Variants in ARHGEF28 observed in about 807,000 individuals in gnomAD.
ARHGEF28 encodes the protein 190 kDa guanine nucleotide exchange factor.
Under a neutral mutation model 206.6 loss-of-function variants are expected in ARHGEF28, and 152 were observed. That is an observed-to-expected ratio of 0.74 (90% CI 0.64 to 0.84). The LOEUF (loss-of-function observed/expected upper bound fraction) is 0.84. Among genes scored for constraint, ARHGEF28 ranks in the 40% least tolerant of loss-of-function variants. The probability of loss-of-function intolerance (pLI) is 0.00; values close to 1 mark genes in which losing one functional copy is unlikely to be tolerated. For missense variants in ARHGEF28, 2,028 were observed against 2,073.2 expected, an observed-to-expected ratio of 0.98 and a Z score of 0.42; for synonymous variants, 763 against 776.4, an observed-to-expected ratio of 0.98 and a Z score of 0.29.
chr5:73,824,101 A>C (rs1756754315), intron 9 of ARHGEF28, among the ~76,000 whole-genome samples: 1 of 152,158 alleles, frequency 6.6e-6, no homozygotes, highest in Admixed American at 6.5e-5. Flanking sequence ...TTTCTTCCTG[A>C]TATCTTCTTC....
chr5:73,852,100 C>T lies in ARHGEF28; in HGVS notation c.1748-550C>T, dbSNP rs185948150. Among the ~76,000 whole-genome samples, 19 of 152,270 alleles carry T rather than the reference C, an allele frequency of 1.2e-4. No individual in the cohort carries two copies. In the East Asian group the frequency reaches 3.7e-3, roughly 29 times the overall value. On this transcript the variant is annotated intron_variant, in intron 13 of 35. Coordinates refer to ENST00000513042, the MANE Select transcript of ARHGEF28 (RefSeq NM_001177693.2). ...CTGCTTGCATGAACCTCCCTTCTGG[C>T]CCCCTCCACAAGTCCAATGAAAAAA...
rs559913717 is a variant in ARHGEF28 at position 73,769,671 on chromosome 5, A to G, written c.476-4184A>G. Among the ~76,000 whole-genome samples the G allele has an allele frequency of 3.3e-5, 5 of 152,260 alleles. No individual in the cohort carries two copies. The South Asian group carries it at 1.0e-3, about 32-fold the overall frequency. On this transcript the variant is annotated intron_variant, in intron 4 of 35. Coordinates refer to ENST00000513042, the MANE Select transcript of ARHGEF28 (RefSeq NM_001177693.2). The stretch of plus-strand genomic sequence containing the variant: ...GCTAGGGTTTATAGGTAGGAATGGA[A>G]TTGTTGTGGACTGGATTTGCGTTAG...
At chr5:73,932,330 A>G (rs945623090) in intron 35 of ARHGEF28, among the ~76,000 whole-genome samples, 1 of 152,228 alleles carries the variant, frequency 6.6e-6, no homozygotes, top group African/African-American at 2.4e-5. Context: ...CTAATAATTT[A>G]CAGCCTGTTT....
At chr5:73,924,050 G>A (rs775721897) in intron 35 of ARHGEF28, among the ~76,000 whole-genome samples, 42 of 152,170 alleles carry the variant, frequency 2.8e-4, no homozygotes, top group South Asian at 4.1e-4. Flanking sequence ...ATGTTCCTGT[G>A]AGGAACTGCC....
At chr5:73,741,948 A>G (rs1252732690) in intron 2 of ARHGEF28, among the ~76,000 whole-genome samples, 4 of 152,072 alleles carry the variant, frequency 2.6e-5, no homozygotes, top group African/African-American at 4.8e-5. Context: ...GGATTTGTCT[A>G]TTCTATTGGA....
intron 9 of ARHGEF28, among the ~76,000 whole-genome samples, chr5:73,819,799 G>A (rs73118572): frequency 0.056 from 8,558 of 152,040 alleles, 576 homozygotes; most frequent in East Asian, 0.14. Context: ...TTTTGTTTTA[G>A]CAAAGTCAGG....
At chr5:73,777,392 C>T (rs540223578) in intron 6 of ARHGEF28, among the ~76,000 whole-genome samples, 3 of 152,254 alleles carry the variant, frequency 2.0e-5, no homozygotes, top group African/African-American at 7.2e-5. Context: ...ATTGAACACA[C>T]TAACCAGATC....
At chr5:73,913,584 G>A (rs566312401) in intron 35 of ARHGEF28, among the ~76,000 whole-genome samples, 133 of 152,274 alleles carry the variant, frequency 8.7e-4, no homozygotes, top group African/African-American at 3.1e-3. Flanking sequence ...ATGATCTTGG[G>A]GGACAGTGAC....
At chr5:73,769,043 G>GC (rs1554061484) in intron 4 of ARHGEF28, among the ~76,000 whole-genome samples, 1 of 152,048 alleles carries the variant, frequency 6.6e-6, no homozygotes. Context: ...TGATTGTGAG[G>GC]CCTCCCTAGC....
rs768751023 is a variant in ARHGEF28 at position 73,898,005 on chromosome 5, C to T, written c.3885C>T (p.Ala1295=). The T allele has an allele frequency of 3.7e-6, 6 of 1,601,810 alleles. No individual in the cohort carries two copies. Among genetic ancestry groups the T allele is most frequent in the Admixed American group, 1.7e-5 (1 of 58,284 alleles). ...QVAVKASQMG[A]VSQSCEDSCG... ...CAGTGAAGGCCTCACAGATGGGCGCCGTGAGTCAATCATGTGAGGACAGTT... is the reference window on the plus strand; with the variant it reads ...CAGTGAAGGCCTCACAGATGGGCGCTGTGAGTCAATCATGTGAGGACAGTT... The change falls in exon 30 of 36, where the codon GCC becomes GCT. Residue 1295 remains alanine (A), a synonymous_variant. Coordinates refer to ENST00000513042, the MANE Select transcript of ARHGEF28 (RefSeq NM_001177693.2).
At position 73,904,408 on chromosome 5, in the gene ARHGEF28, A is replaced by G. The variant is rs1417813114; in HGVS notation, c.4161+3A>G. 6.2e-7 allele frequency: 1 copy of G among 1,608,362 alleles called. No homozygotes were observed. Among genetic ancestry groups the G allele is most frequent in the African/African-American group, 1.3e-5 (1 of 74,776 alleles). On this transcript the variant is annotated splice_donor_region_variant and intron_variant, in intron 33 of 35. Transcript: ENST00000513042. The stretch of plus-strand genomic sequence containing the variant: ...CCCGTCTCTTATACAGCCTTCAGGT[A>G]ACTATCCTCCTCTAATCTTTGACCT...
chr5:73,628,285 G>T (rs1743131396), intron 1 of ARHGEF28, among the ~76,000 whole-genome samples: 1 of 152,034 alleles, frequency 6.6e-6, no homozygotes, highest in Non-Finnish European at 1.5e-5. Context: ...ACAAATTGCA[G>T]CATATACTAT....
chr5:73,923,448 T>C (rs1341844541), intron 35 of ARHGEF28, among the ~76,000 whole-genome samples: 1 of 152,196 alleles, frequency 6.6e-6, no homozygotes, highest in Non-Finnish European at 1.5e-5. Context: ...AGTATGCTAC[T>C]GGTAGAAGTT....
intron 9 of ARHGEF28, chr5:73,813,667 A>G: frequency 6.5e-7 from 1 of 1,535,734 alleles, no homozygotes; most frequent in Non-Finnish European, 8.7e-7. Context: ...AAGGACGTCC[A>G]AACAAGGTAG....
intron 1 of ARHGEF28, among the ~76,000 whole-genome samples, chr5:73,658,987 A>ACACACACACACACG (rs1745412077): frequency 6.7e-6 from 1 of 150,126 alleles, no homozygotes; most frequent in Non-Finnish European, 1.5e-5. Context: ...ACACACACAC[A>ACACACACACACACG]CACACACACA....
At chr5:73,726,983 A>G (rs1354993861) in intron 2 of ARHGEF28, among the ~76,000 whole-genome samples, 5 of 152,204 alleles carry the variant, frequency 3.3e-5, no homozygotes, top group African/African-American at 1.2e-4. Context: ...CAGATTTCTA[A>G]TGGTTTTTAT....
At chr5:73,728,113 G>A (rs1750392032) in intron 2 of ARHGEF28, among the ~76,000 whole-genome samples, 1 of 152,156 alleles carries the variant, frequency 6.6e-6, no homozygotes, top group Admixed American at 6.5e-5. Context: ...GTCTTTCTGA[G>A]ACTTGATTCA....
At chr5:73,784,373 G>T (rs1299178509) in intron 7 of ARHGEF28, among the ~76,000 whole-genome samples, 1 of 152,128 alleles carries the variant, frequency 6.6e-6, no homozygotes, top group Non-Finnish European at 1.5e-5. Context: ...TGTTTCTATA[G>T]TTTTATGATT....
intron 2 of ARHGEF28, among the ~76,000 whole-genome samples, chr5:73,690,852 A>G (rs779429903): frequency 6.6e-6 from 1 of 152,240 alleles, no homozygotes; most frequent in Admixed American, 6.5e-5. Flanking sequence ...TTTATTTAAA[A>G]TGATTAAATA....
Sources: gnomAD v4.1 joint callset for allele counts (sites outside exome capture counted in the v4.1 genomes callset) on GRCh38, gnomAD v4.1.1 for gene constraint, MANE v1.5 for transcripts, NCBI Gene and HGNC (gene_info 2026-07-23, HGNC 2026-07-21) for gene names.